Variants in ETV7 observed in about 807,000 individuals in gnomAD.
ETV7 encodes the protein ETS variant transcription factor 7, also known as transcription factor ETV7.
A neutral mutation model predicts 39.1 loss-of-function variants in ETV7; 43 were observed. The observed-to-expected ratio is 1.10, with a 90% CI of 0.86 to 1.42. ETV7 has a LOEUF of 1.42. Ranked by LOEUF, ETV7 falls within the 40% of genes most tolerant of loss-of-function variation. ETV7 has a pLI of 0.00. For missense variants in ETV7, 432 were observed against 442.3 expected (o/e 0.98, Z 0.21); for synonymous variants, 196 against 176.6 (o/e 1.11, Z -0.87).
chr6:36,363,187 C>T (rs563995242), downstream of ETV7, among the ~76,000 whole-genome samples: 57 of 152,360 alleles, frequency 3.7e-4, no homozygotes, highest in Non-Finnish European at 6.8e-4. Flanking sequence ...AATGAAGCCG[C>T]GGACCCTCGC....
At chr6:36,381,464 A>T (rs1379210749) in intron 2 of ETV7, among the ~76,000 whole-genome samples, 2 of 152,258 alleles carry the variant, frequency 1.3e-5, no homozygotes, top group African/African-American at 4.8e-5. Context: ...TACCTCGTCA[A>T]GAATAAAAAC....
rs199834695 is a variant in ETV7, at chr6:36,366,653, A to G, written c.1018T>C (p.Ser340Pro). ...IEFKDKRPEI[S>P]P ...TGGAGTCCACCTGCCCCTCACGGAG[A>G]GATTTCTGGCCTCTTGTCCTTGAAC... Residue 340 changes from serine to proline, a missense_variant, in exon 8 of 8, where the codon TCT becomes CCT. Coordinates refer to ENST00000340181, the MANE Select transcript of ETV7 (RefSeq NM_016135.4). The G allele has an allele frequency of 1.2e-6, 2 of 1,613,986 alleles. No individual in the cohort carries two copies. Among genetic ancestry groups the G allele is most frequent in the East Asian group, 4.5e-5 (2 of 44,856 alleles).
downstream of ETV7, among the ~76,000 whole-genome samples, chr6:36,365,444 T>A (rs1772677841): frequency 6.6e-6 from 1 of 151,794 alleles, no homozygotes; most frequent in African/African-American, 2.4e-5. Context: ...ACCCCAGAGG[T>A]CAGGTCAGGA....
At chr6:36,364,449 A>G (rs1308278732), downstream of ETV7, among the ~76,000 whole-genome samples, 2 of 152,176 alleles carry the variant, frequency 1.3e-5, no homozygotes, top group Non-Finnish European at 2.9e-5. Context: ...GGGACCCAGT[A>G]CACCCTCCGC....
Position 36,375,983 on chromosome 6 carries a change from C to G in ETV7, c.195G>C (p.Trp65Cys). The G allele has an allele frequency of 6.2e-7, 1 of 1,611,630 alleles. No individual in the cohort carries two copies. Among genetic ancestry groups the G allele is most frequent in the South Asian group, 1.1e-5 (1 of 91,080 alleles). ...ATGGCAGAGAGTACTCCTGCTCTGC[C>G]CAGCGCAGCCAGTGCAGCACGTCCT... is the stretch of plus-strand genomic sequence containing the variant. ...SREDVLHWLR[W>C]AEQEYSLPCT... The change falls in exon 3 of 8, where the codon TGG becomes TGC. Residue 65 changes from tryptophan (W) to cysteine (C), a missense_variant. Transcript: ENST00000340181.
At chr6:36,377,133 G>A (rs1383550682) in intron 2 of ETV7, among the ~76,000 whole-genome samples, 1 of 152,178 alleles carries the variant, frequency 6.6e-6, no homozygotes, top group Non-Finnish European at 1.5e-5. Context: ...ACGACTTCAT[G>A]AGCCCTTGAC....
intron 1 of ETV7, 42 bp from the exon 2 acceptor site, chr6:36,385,711 G>T: frequency 6.4e-7 from 1 of 1,561,228 alleles, no homozygotes; most frequent in Non-Finnish European, 8.6e-7. Context: ...AGAGCATCTT[G>T]GTGAAGGCTC....
intron 7 of ETV7, among the ~76,000 whole-genome samples, chr6:36,359,161 G>T (rs189066066): frequency 1.7e-4 from 26 of 152,296 alleles, no homozygotes; most frequent in Admixed American, 1.4e-3. Flanking sequence ...ACAGAAAGGG[G>T]ATGGACAGGC....
intron 4 of ETV7, among the ~76,000 whole-genome samples, chr6:36,372,399 AG>A (rs1773076453): frequency 6.6e-6 from 1 of 152,042 alleles, no homozygotes; most frequent in Admixed American, 6.6e-5. Flanking sequence ...GTGAGAAGGG[AG>A]CTGCTGGAAG....
chr6:36,373,703 T>C (rs1773161723), intron 3 of ETV7, 125 bp from the exon 4 acceptor site: 2 of 1,109,236 alleles, frequency 1.8e-6, no homozygotes, highest in Non-Finnish European at 2.4e-6. Context: ...TTCATGCCGA[T>C]GGCAAAGGGG....
At chr6:36,370,448 T>C (rs1169882979) in intron 5 of ETV7, among the ~76,000 whole-genome samples, 3 of 151,808 alleles carry the variant, frequency 2.0e-5, no homozygotes, top group Admixed American at 2.0e-4. Flanking sequence ...GGCAGGAGAA[T>C]CGCTTGAACC....
At chr6:36,376,742 C>T (rs1221681822) in intron 2 of ETV7, among the ~76,000 whole-genome samples, 1 of 149,594 alleles carries the variant, frequency 6.7e-6, no homozygotes, top group African/African-American at 2.5e-5. Flanking sequence ...TGCGACTGCA[C>T]TCCAGCCTGG....
intron 2 of ETV7, among the ~76,000 whole-genome samples, chr6:36,384,337 C>T (rs146747654): frequency 1.2e-4 from 19 of 152,248 alleles, no homozygotes; most frequent in African/African-American, 4.3e-4. Context: ...AATGCCTGTC[C>T]CTAGAAGTGT....
At chr6:36,360,521 G>A (rs2055114199) in intron 7 of ETV7, among the ~76,000 whole-genome samples, 1 of 152,044 alleles carries the variant, frequency 6.6e-6, no homozygotes, top group African/African-American at 2.4e-5. Flanking sequence ...CCCGTCACTG[G>A]AGGTGTTCAA....
chr6:36,362,161 G>A (rs7739474), downstream of ETV7, among the ~76,000 whole-genome samples: 10,717 of 152,234 alleles, frequency 0.07, 693 homozygotes, highest in African/African-American at 0.17. Flanking sequence ...AGCCAGGCGC[G>A]GTGGCGGGCA....
intron 4 of ETV7, among the ~76,000 whole-genome samples, chr6:36,371,763 A>C (rs1008827806): frequency 6.6e-6 from 1 of 152,246 alleles, no homozygotes; most frequent in African/African-American, 2.4e-5. Flanking sequence ...CAGCTCCCAC[A>C]CAAGTAACAA....
At chr6:36,356,694 G>A (rs556082961) in intron 7 of ETV7, among the ~76,000 whole-genome samples, 1 of 152,352 alleles carries the variant, frequency 6.6e-6, no homozygotes, top group African/African-American at 2.4e-5. Flanking sequence ...CTGGGCTACA[G>A]GGCCCTCCCC....
rs1773020543 is a variant in ETV7 at position 36,371,475 on chromosome 6, G to C, written c.519C>G (p.His173Gln). 3 of 1,603,984 alleles carry C rather than the reference G, an allele frequency of 1.9e-6. No individual in the cohort carries two copies. The highest frequency in any genetic ancestry group is 2.2e-5 in the South Asian group (2 of 88,984). The change falls in exon 5 of 8, where the codon CAC becomes CAG. Residue 173 changes from histidine (H) to glutamine (Q), a missense_variant. Coordinates refer to ENST00000340181, the MANE Select transcript of ETV7 (RefSeq NM_016135.4). ...ACCTTGCCAGGCCAGGGTCATCCAG[G>C]TGGCCGAAGTTGCTGGTAAGCCCTG... ...PDPGLTSNFG[H>Q]LDDPGLARWT...
chr6:36,367,005 C>T, intron 6 of ETV7, 30 bp from the exon 7 acceptor site: 3 of 1,560,144 alleles, frequency 1.9e-6, no homozygotes, highest in Non-Finnish European at 2.7e-6. Flanking sequence ...CACATCAGCC[C>T]CACTCCCCAT....
Sources: allele counts gnomAD v4.1 joint callset (sites outside exome capture counted in the v4.1 genomes callset), GRCh38; gene constraint gnomAD v4.1.1; transcripts MANE v1.5; gene names NCBI Gene and HGNC (gene_info 2026-07-23, HGNC 2026-07-21).